The following C12orf42 variants were observed in gnomAD, a reference collection of about 807,000 sequenced individuals.
C12orf42 encodes uncharacterized protein C12orf42.
C12orf42 carries 25 observed loss-of-function variants against 21.6 expected under a neutral mutation model. The ratio of observed to expected loss-of-function variants is 1.16; its 90% confidence interval spans 0.84 to 1.62. The LOEUF (loss-of-function observed/expected upper bound fraction) is 1.62. Among genes scored for constraint, C12orf42 ranks in the 40% most tolerant of loss-of-function variants. The pLI is 0.00. For missense variants in C12orf42, 483 were observed against 459.3 expected, an observed-to-expected ratio of 1.05 and a Z score of -0.47; for synonymous variants, 174 against 175.0, an observed-to-expected ratio of 0.99 and a Z score of 0.05.
intron 2 of C12orf42, among the ~76,000 whole-genome samples, chr12:103,429,912 G>C (rs935071980): frequency 6.6e-6 from 1 of 152,136 alleles, no homozygotes; most frequent in African/African-American, 2.4e-5. Flanking sequence ...AAACCAGCTA[G>C]CCATATGCAG....
chr12:103,283,411 T>C (rs2036251800), intron 4 of C12orf42, among the ~76,000 whole-genome samples: 1 of 152,176 alleles, frequency 6.6e-6, no homozygotes, highest in Admixed American at 6.5e-5. Context: ...CCCATCCCAC[T>C]GCTTAAAACC....
chr12:103,139,067 A>T, the C12orf42 span, among the ~76,000 whole-genome samples: 1 of 152,212 alleles, frequency 6.6e-6, no homozygotes, highest in African/African-American at 2.4e-5. Context: ...CACAGAATCC[A>T]GCACTAAGTA....
At chr12:103,495,992 A>T (rs1292325939), upstream of C12orf42, 1 of 152,206 alleles carries the variant, frequency 6.6e-6, no homozygotes, top group Non-Finnish European at 1.5e-5. Context: ...GACGCGGCGC[A>T]GCGTGGTTCC....
the C12orf42 span, among the ~76,000 whole-genome samples, chr12:103,103,609 A>C: frequency 6.6e-6 from 1 of 152,188 alleles, no homozygotes; most frequent in Non-Finnish European, 1.5e-5. Flanking sequence ...CATCAGAAGG[A>C]AGATATTTTG....
At chr12:103,239,261 C>G (rs888057645) in intron 10 of C12orf42, among the ~76,000 whole-genome samples, 1 of 152,160 alleles carries the variant, frequency 6.6e-6, no homozygotes, top group Non-Finnish European at 1.5e-5. Flanking sequence ...TTGTCAGCAT[C>G]ATCATCTTTG....
chr12:103,475,289 A>G (rs938394107), intron 2 of C12orf42, among the ~76,000 whole-genome samples: 2 of 152,214 alleles, frequency 1.3e-5, no homozygotes, highest in African/African-American at 4.8e-5. Context: ...GTGCTCTGCT[A>G]TTTACCCTTC....
chr12:103,308,904 G>A (rs1307803992), intron 4 of C12orf42, among the ~76,000 whole-genome samples: 1 of 152,108 alleles, frequency 6.6e-6, no homozygotes, highest in East Asian at 1.9e-4. Context: ...GATAACGAAG[G>A]CAGAGATTGG....
chr12:103,294,434 G>GA (rs762128642), intron 4 of C12orf42, among the ~76,000 whole-genome samples: 6 of 95,718 alleles, frequency 6.3e-5, no homozygotes, highest in African/African-American at 3.3e-4. Context: ...GAGAGAGAAA[G>GA]AAAGAAAGAA....
chr12:103,477,100 G>A (rs1421287405), intron 2 of C12orf42: 1 of 152,214 alleles, frequency 6.6e-6, no homozygotes, highest in African/African-American at 2.4e-5. Flanking sequence ...GCTAGACCCT[G>A]AGTAACACAG....
chr12:103,499,378 TTTTA>T (rs1367265061), upstream of C12orf42, among the ~76,000 whole-genome samples: 1 of 152,240 alleles, frequency 6.6e-6, no homozygotes, highest in East Asian at 1.9e-4. Flanking sequence ...TGTAGAAAGT[TTTTA>T]TTTGTCAATT....
At chr12:103,183,300 T>C in the C12orf42 span, among the ~76,000 whole-genome samples, 1 of 152,236 alleles carries the variant, frequency 6.6e-6, no homozygotes, top group Non-Finnish European at 1.5e-5. Flanking sequence ...CAGGGTGGTC[T>C]CGATCTCTTG....
At chr12:103,384,527 A>G (rs2046445133) in intron 3 of C12orf42, among the ~76,000 whole-genome samples, 1 of 152,256 alleles carries the variant, frequency 6.6e-6, no homozygotes, top group African/African-American at 2.4e-5. Context: ...TAAAGGTAAC[A>G]CATGTAAAAT....
the C12orf42 span, among the ~76,000 whole-genome samples, chr12:103,150,701 T>C: frequency 6.6e-6 from 1 of 152,176 alleles, no homozygotes; most frequent in Non-Finnish European, 1.5e-5. Context: ...CCTGTAGTTT[T>C]TGTTTCTACT....
the C12orf42 span, among the ~76,000 whole-genome samples, chr12:103,060,811 A>G: frequency 6.6e-6 from 1 of 152,322 alleles, no homozygotes; most frequent in Non-Finnish European, 1.5e-5. Flanking sequence ...TACACCTGAT[A>G]CAAAAATTAA....
At chr12:103,346,430 A>C (rs1295655058) in intron 4 of C12orf42, among the ~76,000 whole-genome samples, 1 of 152,130 alleles carries the variant, frequency 6.6e-6, no homozygotes, top group Non-Finnish European at 1.5e-5. Context: ...ATGGGTAAAA[A>C]ATGTGTATAT....
the C12orf42 span, among the ~76,000 whole-genome samples, chr12:103,212,258 G>A: frequency 6.6e-6 from 1 of 152,028 alleles, no homozygotes; most frequent in Non-Finnish European, 1.5e-5. Flanking sequence ...ATATTTGATT[G>A]TCTTATACAT....
chr12:103,538,396 T>C, the C12orf42 span, among the ~76,000 whole-genome samples: 1 of 152,208 alleles, frequency 6.6e-6, no homozygotes, highest in Non-Finnish European at 1.5e-5. Context: ...GCAGCATTCA[T>C]CCCCAATCCT....
the C12orf42 span, among the ~76,000 whole-genome samples, chr12:103,108,261 A>G: frequency 1.8e-4 from 28 of 152,006 alleles, no homozygotes; most frequent in African/African-American, 6.5e-4. Context: ...GTCCTGTTAT[A>G]TAAGATGTTT....
chr12:103,362,671 T>C (rs993801103), intron 4 of C12orf42, among the ~76,000 whole-genome samples: 1 of 151,702 alleles, frequency 6.6e-6, no homozygotes, highest in African/African-American at 2.4e-5. Flanking sequence ...CTTCAGGAAA[T>C]AAAGGACACA....
Sources: gnomAD v4.1 joint callset for allele counts (sites outside exome capture counted in the v4.1 genomes callset) on GRCh38, gnomAD v4.1.1 for gene constraint, MANE v1.5 for transcripts, NCBI Gene and HGNC (gene_info 2026-07-23, HGNC 2026-07-21) for gene names.